The following CLNK variants were observed in gnomAD, a reference collection of about 807,000 sequenced individuals.
CLNK encodes cytokine-dependent hematopoietic cell linker.
A neutral mutation model predicts 68.6 loss-of-function variants in CLNK; 74 were observed. The observed-to-expected ratio is 1.08, with a 90% CI of 0.89 to 1.31. The LOEUF (loss-of-function observed/expected upper bound fraction) is 1.31. Ranked by LOEUF, CLNK falls within the 50% of genes most tolerant of loss-of-function variation. The pLI is 0.00. For synonymous variants in CLNK, 198 were observed against 172.2 expected (o/e 1.15, Z -1.17); for missense variants, 553 against 515.3 (o/e 1.07, Z -0.71).
chr4:10,725,376 C>A, the CLNK span, among the ~76,000 whole-genome samples: 1 of 152,072 alleles, frequency 6.6e-6, no homozygotes, highest in African/African-American at 2.4e-5. Context: ...AGTGTGAATT[C>A]TAGGTAAAGA....
chr4:10,528,158 C>T (rs563397920), intron 12 of CLNK, 64 bp from the exon 13 acceptor site: 2 of 786,886 alleles, frequency 2.5e-6, no homozygotes, highest in African/African-American at 1.8e-5. Context: ...AATATAACAC[C>T]ATGTGTGTTT....
the CLNK span, among the ~76,000 whole-genome samples, chr4:10,728,218 T>C: frequency 6.6e-6 from 1 of 152,154 alleles, no homozygotes; most frequent in Non-Finnish European, 1.5e-5. Context: ...GTGATGACAC[T>C]GAGAAACCAT....
chr4:10,486,458 G>A lies in CLNK; in HGVS notation c.*4009C>T, dbSNP rs1392887122. 1 of 152,072 alleles carries A rather than the reference G, an allele frequency of 6.6e-6. No homozygotes were observed. The highest frequency in any genetic ancestry group is 1.5e-5 in the Non-Finnish European group (1 of 68,014). 9.4% of individuals were successfully genotyped at this position (152,072 alleles called of 1,614,324 possible). Reference sequence around the variant, plus strand: ...AAGGCTGTAAATTATGAATGTAAATGTGCTTAGCTAGAACAAATATTGCTC... The same window carrying A: ...AAGGCTGTAAATTATGAATGTAAATATGCTTAGCTAGAACAAATATTGCTC... On this transcript the variant is annotated 3_prime_UTR_variant, in exon 19 of 19. Coordinates refer to ENST00000226951, the MANE Select transcript of CLNK (RefSeq NM_052964.4).
At chr4:10,703,110 C>T in the CLNK span, among the ~76,000 whole-genome samples, 1 of 151,920 alleles carries the variant, frequency 6.6e-6, no homozygotes, top group Non-Finnish European at 1.5e-5. Context: ...TAGTATGCAC[C>T]CCAAAGATGA....
At chr4:10,709,709 C>A in the CLNK span, among the ~76,000 whole-genome samples, 27 of 152,196 alleles carry the variant, frequency 1.8e-4, no homozygotes, top group South Asian at 5.2e-3. Flanking sequence ...ATTTTAAGAC[C>A]AGGCCTCCAG....
intron 1 of CLNK, among the ~76,000 whole-genome samples, chr4:10,678,313 A>C (rs150920574): frequency 9.8e-5 from 15 of 152,300 alleles, no homozygotes; most frequent in African/African-American, 3.6e-4. Flanking sequence ...AAGATGATGA[A>C]AGTGAAAGCA....
At chr4:10,728,385 AGT>A in the CLNK span, among the ~76,000 whole-genome samples, 3,780 of 146,778 alleles carry the variant, frequency 0.026, 151 homozygotes, top group African/African-American at 0.088. Flanking sequence ...TATTCTAAAG[AGT>A]GTGTGTGTGT....
At chr4:10,684,063 A>G (rs1212799394) in intron 1 of CLNK, among the ~76,000 whole-genome samples, 2 of 152,198 alleles carry the variant, frequency 1.3e-5, no homozygotes, top group Non-Finnish European at 2.9e-5. Flanking sequence ...GCTTTATCCA[A>G]TAAAAGCCTG....
intron 14 of CLNK, among the ~76,000 whole-genome samples, 167 bp downstream of exon 14, chr4:10,525,673 AT>A (rs1202702892): frequency 2.6e-5 from 4 of 152,212 alleles, no homozygotes; most frequent in African/African-American, 9.6e-5. Flanking sequence ...GAACAACATT[AT>A]TAACATCAAT....
chr4:10,543,202 A>T lies in CLNK; in HGVS notation c.446-922T>A, dbSNP rs1011726973. 5.3e-5 allele frequency among the ~76,000 whole-genome samples: 8 copies of T among 152,266 alleles called. No homozygotes were observed. In the East Asian group the frequency reaches 1.3e-3, roughly 26 times the overall value. ...AATCTGATAAGGATGTCAAGTAGAG[A>T]AGGACAAAGTATTAAATGAATATGT... On this transcript the variant is annotated intron_variant, in intron 8 of 18. Coordinates refer to ENST00000226951, the MANE Select transcript of CLNK (RefSeq NM_052964.4).
At chr4:10,599,009 T>C (rs1289698258) in intron 2 of CLNK, among the ~76,000 whole-genome samples, 1 of 152,240 alleles carries the variant, frequency 6.6e-6, no homozygotes, top group Non-Finnish European at 1.5e-5. Context: ...CAACTCTTAC[T>C]TCCGAACTCA....
chr4:10,578,468 C>T (rs910298667), intron 4 of CLNK, among the ~76,000 whole-genome samples: 3 of 151,926 alleles, frequency 2.0e-5, no homozygotes, highest in African/African-American at 7.3e-5. Context: ...AATCCTGAGG[C>T]CAAAATCATT....
chr4:10,682,984 A>G (rs1383716494), intron 1 of CLNK, among the ~76,000 whole-genome samples: 1 of 152,212 alleles, frequency 6.6e-6, no homozygotes, highest in Non-Finnish European at 1.5e-5. Flanking sequence ...TGGAGTGAGG[A>G]AAGGAAAGTA....
At chr4:10,565,083 C>T in intron 6 of CLNK, among the ~76,000 whole-genome samples, 1 of 152,068 alleles carries the variant, frequency 6.6e-6, no homozygotes, top group East Asian at 1.9e-4. Flanking sequence ...TACTAGATCC[C>T]ACCCAGTCAC....
intron 4 of CLNK, among the ~76,000 whole-genome samples, chr4:10,582,669 C>T (rs1213564574): frequency 1.3e-5 from 2 of 151,908 alleles, no homozygotes; most frequent in Non-Finnish European, 2.9e-5. Context: ...CTGTCTTCTC[C>T]AGGCTTGGAA....
intron 2 of CLNK, among the ~76,000 whole-genome samples, chr4:10,599,520 A>G (rs1435934565): frequency 6.6e-6 from 1 of 152,168 alleles, no homozygotes; most frequent in African/African-American, 2.4e-5. Flanking sequence ...ATACAGCTTA[A>G]TTCACATATT....
intron 2 of CLNK, among the ~76,000 whole-genome samples, chr4:10,626,781 T>A (rs1722691660): frequency 1.3e-5 from 2 of 152,364 alleles, no homozygotes; most frequent in South Asian, 4.2e-4. Flanking sequence ...ATTTCCCAAA[T>A]TCACAGTTGC....
chr4:10,501,536 T>A, intron 17 of CLNK, 125 bp from the exon 18 acceptor site: 1 of 906,334 alleles, frequency 1.1e-6, no homozygotes, highest in Non-Finnish European at 1.7e-6. Context: ...TAAACCACTT[T>A]AATTCAGTAA....
chr4:10,674,335 C>T (rs1166328581), intron 1 of CLNK, among the ~76,000 whole-genome samples: 1 of 152,180 alleles, frequency 6.6e-6, no homozygotes, highest in Non-Finnish European at 1.5e-5. Flanking sequence ...CAAGAAAAAA[C>T]ACCACTGTAC....
Sources: allele counts gnomAD v4.1 joint callset (sites outside exome capture counted in the v4.1 genomes callset), GRCh38; gene constraint gnomAD v4.1.1; transcripts MANE v1.5; gene names NCBI Gene and HGNC (gene_info 2026-07-23, HGNC 2026-07-21).